Variants in IAH1 observed in about 807,000 individuals in gnomAD.
The protein encoded by IAH1 is isoamyl acetate hydrolyzing esterase 1 (putative).
In IAH1, 24 loss-of-function variants were observed where a neutral mutation model predicts 26.7. The ratio of observed to expected loss-of-function variants is 0.90; its 90% confidence interval spans 0.65 to 1.26. The LOEUF (loss-of-function observed/expected upper bound fraction) is 1.26. Ranked by LOEUF, IAH1 falls within the 50% of genes most tolerant of loss-of-function variation. The pLI is 0.00. For missense variants in IAH1, 300 were observed against 299.9 expected, an observed-to-expected ratio of 1.00 and a Z score of 0.00; for synonymous variants, 140 against 118.5, an observed-to-expected ratio of 1.18 and a Z score of -1.18.
chr2:9,502,879 C>CAAAAAAA, the IAH1 span, among the ~76,000 whole-genome samples: 9 of 43,586 alleles, frequency 2.1e-4, no homozygotes, highest in African/African-American at 2.8e-4. Context: ...AATTCTGTCT[C>CAAAAAAA]AAAAAAAAAA....
the IAH1 span, among the ~76,000 whole-genome samples, chr2:9,509,355 G>A: frequency 6.6e-6 from 1 of 152,178 alleles, no homozygotes; most frequent in African/African-American, 2.4e-5. Flanking sequence ...CACTCTTAAA[G>A]TCTCTGAAAG....
Position 9,474,946 on chromosome 2 carries a change from C to G in IAH1, c.81+299C>G. 4 of 954,452 alleles carry G rather than the reference C, an allele frequency of 4.2e-6. No individual in the cohort carries two copies. The highest frequency in any genetic ancestry group is 5.2e-6 in the Non-Finnish European group (4 of 773,084). 59.1% of individuals were successfully genotyped at this position (954,452 alleles called of 1,614,324 possible). A position where few individuals can be genotyped will look rare whatever the true frequency, so the allele number is the denominator to read the frequency against. On this transcript the variant is annotated intron_variant, in intron 1 of 5. Coordinates refer to ENST00000497473, the MANE Select transcript of IAH1 (RefSeq NM_001039613.3). This position sits in a 1 kb window ranked among gnomAD's most constrained non-coding sequence, Gnocchi z 4.3. ...TCCCACCCGGGTCGAGATGCGCGGT[C>G]TTCCCCTCAGCGCCCTCCTGGGCAG...
rs544156881 is a variant in IAH1, at chr2:9,475,892, AGC to A, written c.82-92_82-91del. ...GTGAAGCAATCAAAGCCAAGAAGGG[AGC>A]GCCGAGAAAACAGAAGTTGCCAATC... On this transcript the variant is annotated intron_variant, in intron 1 of 5. Coordinates refer to ENST00000497473, the MANE Select transcript of IAH1 (RefSeq NM_001039613.3). 5.5e-4 allele frequency: 551 copies of A among 1,004,524 alleles called. 3 individuals are homozygous for A. The African/African-American group carries it at 7.8e-3, about 14-fold the overall frequency. 62.2% of individuals were successfully genotyped at this position (1,004,524 alleles called of 1,614,324 possible). A position where few individuals can be genotyped will look rare whatever the true frequency, so the allele number is the denominator to read the frequency against.
At chr2:9,495,484 G>A (rs1019109113) in intron 6 of IAH1, among the ~76,000 whole-genome samples, 1 of 152,188 alleles carries the variant, frequency 6.6e-6, no homozygotes, top group South Asian at 2.1e-4. Context: ...AGGCCAAGGC[G>A]GACAGATCAC....
chr2:9,507,209 G>A, the IAH1 span, among the ~76,000 whole-genome samples: 1 of 152,066 alleles, frequency 6.6e-6, no homozygotes, highest in Non-Finnish European at 1.5e-5. Flanking sequence ...TAAAACATAG[G>A]CTGGGCACAG....
intron 6 of IAH1, among the ~76,000 whole-genome samples, chr2:9,495,077 T>C (rs1019162377): frequency 6.6e-6 from 1 of 152,228 alleles, no homozygotes; most frequent in South Asian, 2.1e-4. Context: ...TTCTAAATGC[T>C]TCCCTTTGTC....
intron 3 of IAH1, among the ~76,000 whole-genome samples, chr2:9,478,732 G>A (rs1350531178): frequency 4.6e-5 from 7 of 152,132 alleles, no homozygotes; most frequent in Non-Finnish European, 1.0e-4. Flanking sequence ...CGTGTCTTAG[G>A]GAGGGATATG....
Position 9,488,214 on chromosome 2 carries a change from A to G in IAH1, c.632A>G (p.His211Arg). The G allele has an allele frequency of 6.2e-7, 1 of 1,613,490 alleles. No homozygotes were observed. The highest frequency in any genetic ancestry group is 1.3e-5 in the African/African-American group (1 of 74,994). Residue 211 changes from histidine (H) to arginine (R), a missense_variant, in exon 6 of 6, where the codon CAT becomes CGT. By Grantham distance (29) the His-to-Arg change is conservative. Transcript: ENST00000497473. ...AAGGGGAATGAATTTTTGTTCTCGC[A>G]TCTCTGGCCTTTGATAGAGAAAAAG... Reference protein sequence around the residue: ...SPKGNEFLFSHLWPLIEKKVS... With the variant: ...SPKGNEFLFSRLWPLIEKKVS...
At chr2:9,506,368 T>C in the IAH1 span, among the ~76,000 whole-genome samples, 1 of 143,642 alleles carries the variant, frequency 7.0e-6, no homozygotes, top group Non-Finnish European at 1.5e-5. Flanking sequence ...TGTTTTTTTT[T>C]TTTTTTTTTT....
chr2:9,492,922 A>G, downstream of IAH1: 2 of 1,613,102 alleles, frequency 1.2e-6, no homozygotes, highest in East Asian at 2.2e-5. Context: ...GAATGCTGAA[A>G]GGAATCCAAA....
intron 1 of IAH1, 192 bp from the exon 2 acceptor site, chr2:9,475,795 T>G: frequency 1.6e-6 from 1 of 612,096 alleles, no homozygotes; most frequent in Non-Finnish European, 2.9e-6. Flanking sequence ...TAGCTTTTGA[T>G]AGAGAAAAAT....
At chr2:9,494,843 G>T in exon 6 of IAH1, 1 of 1,556,048 alleles carries the variant, frequency 6.4e-7, no homozygotes, top group Non-Finnish European at 8.7e-7. Flanking sequence ...TTTCCTCCCT[G>T]ACCATGCTCC....
At chr2:9,478,968 C>T (rs867342038) in intron 3 of IAH1, among the ~76,000 whole-genome samples, 8 of 152,306 alleles carry the variant, frequency 5.3e-5, no homozygotes, top group Admixed American at 1.3e-4. Flanking sequence ...GTTAGGTAGT[C>T]ACCTTCCAGA....
chr2:9,478,226 T>C lies in IAH1; in HGVS notation c.139T>C (p.Cys47Arg). The change falls in exon 3 of 6, where the codon TGT (cysteine) becomes CGT (arginine). Residue 47 changes from cysteine (C) to arginine (R), a missense_variant. Physicochemically the swap from Cys to Arg is radical, Grantham distance 180. Coordinates refer to ENST00000497473, the MANE Select transcript of IAH1 (RefSeq NM_001039613.3). ...TTTTAAAATTTTTCGTTTCAGAAAA[T>C]GTGATGTTCTGAATCGTGGATTTTC... ...ASLADRLVRK[C>R]DVLNRGFSGY... is the part of the protein sequence containing the mutation. 6.3e-7 allele frequency: 1 copy of C among 1,588,126 alleles called. No individual in the cohort carries two copies. The highest frequency in any genetic ancestry group is 1.2e-5 in the South Asian group (1 of 86,638).
downstream of IAH1, among the ~76,000 whole-genome samples, chr2:9,493,238 T>C (rs1271704460): frequency 6.6e-6 from 1 of 152,226 alleles, no homozygotes; most frequent in African/African-American, 2.4e-5. Context: ...CTGGAGTAGC[T>C]GTGTCAACAG....
At chr2:9,476,865 G>C (rs529121978) in intron 2 of IAH1, among the ~76,000 whole-genome samples, 2 of 152,164 alleles carry the variant, frequency 1.3e-5, no homozygotes, top group South Asian at 4.1e-4. Flanking sequence ...GGATGTATAC[G>C]TGCAGGTAAC....
At chr2:9,495,730 C>T (rs377165090) in intron 6 of IAH1, among the ~76,000 whole-genome samples, 2 of 149,290 alleles carry the variant, frequency 1.3e-5, no homozygotes, top group African/African-American at 2.5e-5. Flanking sequence ...AAAAAGAAAA[C>T]CTTTTCATCA....
At chr2:9,494,668 T>C, downstream of IAH1, 1 of 1,614,142 alleles carries the variant, frequency 6.2e-7, no homozygotes, top group Non-Finnish European at 8.5e-7. Flanking sequence ...TGTACAGGGC[T>C]TTCCTTTCCT....
intron 4 of IAH1, 48 bp downstream of exon 4, chr2:9,481,495 G>C (rs768662952): frequency 6.3e-7 from 1 of 1,592,124 alleles, no homozygotes; most frequent in East Asian, 2.2e-5. Context: ...GGAATGCTGA[G>C]GGAGGAACTC....
Sources: allele counts gnomAD v4.1 joint callset (sites outside exome capture counted in the v4.1 genomes callset), GRCh38; gene constraint gnomAD v4.1.1; non-coding constraint Gnocchi (gnomAD v3.1); transcripts MANE v1.5; gene names NCBI Gene and HGNC (gene_info 2026-07-23, HGNC 2026-07-21).